Variants in EDN3 observed in about 807,000 individuals in gnomAD.
EDN3 encodes endothelin-3.
Under a neutral mutation model 21.4 loss-of-function variants are expected in EDN3, and 9 were observed. That is an observed-to-expected ratio of 0.42 (90% CI 0.25 to 0.73). The LOEUF is 0.73. EDN3 is among the 30% of genes least tolerant of loss of function. The pLI, the probability that EDN3 is intolerant of heterozygous loss-of-function variation, is 0.26. For missense variants in EDN3, 327 were observed against 309.4 expected, an observed-to-expected ratio of 1.06 and a Z score of -0.43; for synonymous variants, 133 against 126.2, an observed-to-expected ratio of 1.05 and a Z score of -0.36.
intron 2 of EDN3, among the ~76,000 whole-genome samples, chr20:59,306,595 TAAAAAAAAAAAA>T (rs57144708): frequency 1.6e-5 from 1 of 62,454 alleles, no homozygotes; most frequent in Non-Finnish European, 2.9e-5. Context: ...GCATAAAGAG[TAAAAAAAAAAAA>T]AAAAAAAAAA....
Position 59,301,478 on chromosome 20 carries a change from A to T in EDN3, c.121A>T (p.Arg41Ter), listed in dbSNP as rs758644212. 3.1e-6 allele frequency: 5 copies of T among 1,613,662 alleles called. No individual in the cohort carries two copies. Among genetic ancestry groups the T allele is most frequent in the Non-Finnish European group, 4.2e-6 (5 of 1,179,992 alleles). ...CGTGTCCCAGGCCCCCACTGCAGCCAGATCTGAGGGGGACTGTGAAGAGAC... is the reference window on the plus strand; with the variant it reads ...CGTGTCCCAGGCCCCCACTGCAGCCTGATCTGAGGGGGACTGTGAAGAGAC... ...RGVSQAPTAA[R>*]SEGDCEETVA... The change falls in exon 2 of 5, where the codon AGA (arginine) becomes TGA (stop). Residue 41 changes from arginine to a stop codon, truncating the protein, a stop_gained. Transcript: ENST00000337938. LOFTEE classifies it high-confidence loss of function.
intron 2 of EDN3, among the ~76,000 whole-genome samples, chr20:59,308,127 G>T (rs1351419780): frequency 6.6e-6 from 1 of 152,110 alleles, no homozygotes; most frequent in Admixed American, 6.5e-5. Flanking sequence ...TTTCTCTGTG[G>T]GTAAGAGGGG....
chr20:59,316,061 C>T (rs998299068), intron 2 of EDN3, among the ~76,000 whole-genome samples: 3 of 152,148 alleles, frequency 2.0e-5, no homozygotes, highest in African/African-American at 4.8e-5. Flanking sequence ...TGGTGTGTGC[C>T]TGTAGTCCCA....
rs576532769 is a variant in EDN3 at position 59,321,618 on chromosome 20, A to T, written c.542+425A>T. Among the ~76,000 whole-genome samples, 15 of 152,304 alleles carry T rather than the reference A, an allele frequency of 9.8e-5. No individual in the cohort carries two copies. In the South Asian group the frequency reaches 1.0e-3, roughly 11 times the overall value. ...AAAAGGCTTATTGGGAGGGGGGGGAACCCAGCACGTAGGACCATCTGGTCT... is the reference window on the plus strand; with the variant it reads ...AAAAGGCTTATTGGGAGGGGGGGGATCCCAGCACGTAGGACCATCTGGTCT... On this transcript the variant is annotated intron_variant, in intron 3 of 4. Transcript: ENST00000337938.
At chr20:59,308,246 G>A (rs556249183) in intron 2 of EDN3, among the ~76,000 whole-genome samples, 1 of 152,330 alleles carries the variant, frequency 6.6e-6, no homozygotes, top group African/African-American at 2.4e-5. Context: ...CCCAGGCCAT[G>A]AGTCTCATTC....
At position 59,323,363 on chromosome 20, in the gene EDN3, G is replaced by A. The variant is rs544348586; in HGVS notation, c.588+946G>A. On this transcript the variant is annotated intron_variant, in intron 4 of 4. Transcript: ENST00000337938. ...ACCCCAAACCAAAGCTCCTCTCAGC[G>A]AGGGCGGGATGTAATTAAACCCATC... 1.2e-4 allele frequency among the ~76,000 whole-genome samples: 18 copies of A among 152,232 alleles called. No individual in the cohort carries two copies. The East Asian group carries it at 3.1e-3, about 26-fold the overall frequency.
chr20:59,308,870 T>C (rs1231418211), intron 2 of EDN3, among the ~76,000 whole-genome samples: 2 of 152,206 alleles, frequency 1.3e-5, no homozygotes, highest in African/African-American at 4.8e-5. Flanking sequence ...TCTTTGGACC[T>C]TCTGACTCTG....
At chr20:59,315,083 T>C (rs1218689376) in intron 2 of EDN3, among the ~76,000 whole-genome samples, 1 of 152,216 alleles carries the variant, frequency 6.6e-6, no homozygotes, top group Admixed American at 6.5e-5. Context: ...TTACAGATGG[T>C]AAATAAAGGT....
intron 2 of EDN3, among the ~76,000 whole-genome samples, chr20:59,312,264 G>A (rs1022429958): frequency 3.3e-5 from 5 of 152,256 alleles, no homozygotes; most frequent in Non-Finnish European, 4.4e-5. Context: ...AGCCTAACTC[G>A]TTTGATGCAT....
At position 59,324,384 on chromosome 20, in the gene EDN3, G is replaced by A. The variant is rs2146890101; in HGVS notation, c.642G>A (p.Lys214=). Reference sequence around the variant, plus strand: ...AGGCTTTAGACCTCCACCATCCAAAGCTCATGCCCGGCAGTGGACTCGCCC... The same window carrying A: ...AGGCTTTAGACCTCCACCATCCAAAACTCATGCCCGGCAGTGGACTCGCCC... ...SKQALDLHHP[K]LMPGSGLALA... Residue 214 remains lysine (K), a synonymous_variant, in exon 5 of 5, where the codon AAG becomes AAA. Transcript: ENST00000337938. 6.2e-7 allele frequency: 1 copy of A among 1,614,042 alleles called. No individual in the cohort carries two copies.
chr20:59,324,190 G>C (rs375390857), intron 4 of EDN3, 141 bp from the exon 5 acceptor site: 58 of 1,044,220 alleles, frequency 5.6e-5, no homozygotes, highest in Non-Finnish European at 7.7e-5. Context: ...ACTGGGAAGA[G>C]GGTACATACA....
intron 2 of EDN3, 78 bp downstream of exon 2, chr20:59,301,800 C>G: frequency 6.7e-7 from 1 of 1,492,570 alleles, no homozygotes; most frequent in Non-Finnish European, 9.3e-7. Context: ...GGACCTCACT[C>G]CACCCCAGCC....
intron 2 of EDN3, among the ~76,000 whole-genome samples, chr20:59,308,018 C>T (rs1450742859): frequency 6.6e-6 from 1 of 152,098 alleles, no homozygotes; most frequent in Non-Finnish European, 1.5e-5. Flanking sequence ...AAACCCAAAT[C>T]CTTGGTCCAT....
In EDN3 at chr20:59,321,080, G is replaced by A. The variant is rs1600756551; in HGVS notation, c.429G>A (p.Gly143=). Residue 143 remains glycine (G), a synonymous_variant, in exon 3 of 5, where the codon GGG becomes GGA. Coordinates refer to ENST00000337938, the MANE Select transcript of EDN3 (RefSeq NM_207034.3). ...RGSFRGKRSA[G]PLPGNLQLSH... is the part of the protein sequence containing the mutation. ...GCTTCCGGGGCAAGAGGTCTGCGGG[G>A]CCACTTCCAGGGAATCTGCAGCTCT... 1.2e-6 allele frequency: 2 copies of A among 1,614,240 alleles called. No homozygotes were observed. The highest frequency in any genetic ancestry group is 1.7e-5 in the Admixed American group (1 of 60,036).
At chr20:59,303,490 T>A (rs1473080552) in intron 2 of EDN3, among the ~76,000 whole-genome samples, 3 of 152,218 alleles carry the variant, frequency 2.0e-5, no homozygotes, top group South Asian at 4.1e-4. Context: ...TTGGCCAGAA[T>A]CCCCAGCTGT....
chr20:59,320,164 C>G (rs1032952863), intron 2 of EDN3, among the ~76,000 whole-genome samples: 3 of 152,214 alleles, frequency 2.0e-5, no homozygotes, highest in African/African-American at 4.8e-5. Flanking sequence ...CTTCATCACG[C>G]GGCTCTTCTG....
At chr20:59,301,325 A>G (rs1988996409) in intron 1 of EDN3, 85 bp from the exon 2 acceptor site, 3 of 1,510,054 alleles carry the variant, frequency 2.0e-6, no homozygotes, top group Admixed American at 1.8e-5. Flanking sequence ...TGCTTGCTCC[A>G]CCCCCCTCCT....
chr20:59,307,042 G>A (rs999443164), intron 2 of EDN3, among the ~76,000 whole-genome samples: 4 of 152,200 alleles, frequency 2.6e-5, no homozygotes, highest in Non-Finnish European at 4.4e-5. Context: ...CTACTGGAGA[G>A]GCTGAAGCAG....
chr20:59,314,249 G>T (rs560115944), intron 2 of EDN3, among the ~76,000 whole-genome samples: 4 of 152,132 alleles, frequency 2.6e-5, no homozygotes, highest in African/African-American at 9.7e-5. Flanking sequence ...GTGTGTTGTC[G>T]CAGTGAAGAA....
Sources: allele counts gnomAD v4.1 joint callset (sites outside exome capture counted in the v4.1 genomes callset), GRCh38; gene constraint gnomAD v4.1.1; transcripts MANE v1.5; gene names NCBI Gene and HGNC (gene_info 2026-07-23, HGNC 2026-07-21).